Variants in KANK3 observed in about 807,000 individuals in gnomAD.
KANK3 encodes the protein KN motif and ankyrin repeat domain-containing protein 3.
In KANK3, 61 loss-of-function variants were observed where a neutral mutation model predicts 65.4. The observed-to-expected ratio is 0.93, with a 90% CI of 0.76 to 1.15. The LOEUF (loss-of-function observed/expected upper bound fraction) is 1.15, where lower values mean the gene tolerates loss of function less well. KANK3 is among the 50% of genes most tolerant of loss of function. The probability of loss-of-function intolerance (pLI) is 0.00; values close to 1 mark genes in which losing one functional copy is unlikely to be tolerated. For missense variants in KANK3, 1,187 were observed against 1,178.8 expected (o/e 1.01, Z -0.10); for synonymous variants, 586 against 543.3 (o/e 1.08, Z -1.09).
chr19:8,336,781 G>A (rs1213428422), intron 2 of KANK3, among the ~76,000 whole-genome samples: 3 of 150,536 alleles, frequency 2.0e-5, no homozygotes, highest in African/African-American at 7.3e-5. Context: ...AGCCCTGCAC[G>A]ATGAGGAGGA....
Position 8,333,265 on chromosome 19 carries a change from T to G in KANK3, c.1720-35A>C. ...ACAGGGGCCAAGATAACATCGGCGA[T>G]GGTCCACGGCGGCGCCGTGGTGGGG... is the stretch of plus-strand genomic sequence containing the variant. On this transcript the variant is annotated intron_variant, in intron 6 of 10. Coordinates refer to ENST00000330915, the MANE Select transcript of KANK3 (RefSeq NM_198471.3). This position sits in a 1 kb window ranked among gnomAD's most constrained non-coding sequence, Gnocchi z 5.0. The G allele has an allele frequency of 3.2e-6, 5 of 1,542,772 alleles. No individual in the cohort carries two copies. The highest frequency in any genetic ancestry group is 2.1e-4 in the Middle Eastern group (1 of 4,752).
chr19:8,334,911 C>T lies in KANK3; in HGVS notation c.916G>A (p.Glu306Lys), dbSNP rs117966760. The change falls in exon 3 of 11, where the codon GAG becomes AAG. Residue 306 changes from glutamate (E) to lysine (K), a missense_variant. Glu to Lys is a moderately conservative substitution (Grantham distance 56). Coordinates refer to ENST00000330915, the MANE Select transcript of KANK3 (RefSeq NM_198471.3). ...GTPQTREVAA[E>K]AVPETREAGA... ...GCTTCTCGGGTCTCGGGCACGGCCT[C>T]GGCGGCCACCTCCCGGGTCTGGGGC... 3.2e-3 allele frequency: 4,730 copies of T among 1,460,680 alleles called. 126 individuals carry two copies. In the East Asian group the frequency reaches 0.054, roughly 17 times the overall value. 90.5% of individuals were successfully genotyped at this position (1,460,680 alleles called of 1,614,324 possible).
Position 8,335,715 on chromosome 19 carries a change from T to C in KANK3, c.112A>G (p.Thr38Ala). 1.6e-6 allele frequency: 2 copies of C among 1,249,580 alleles called. No homozygotes were observed. Among genetic ancestry groups the C allele is most frequent in the South Asian group, 4.0e-5 (1 of 24,782 alleles). 77.4% of individuals were successfully genotyped at this position (1,249,580 alleles called of 1,614,324 possible). ...AGGTCCAGGTGGAAGCCGTAGGGCG[T>C]CTCCACCGAGTAGGGCGAGCTCGGG... ...RSPSSPYSVETPYGFHLDLDF... is the reference protein window; with the variant it reads ...RSPSSPYSVEAPYGFHLDLDF... Residue 38 changes from threonine (T) to alanine (A), a missense_variant, in exon 3 of 11, where the codon ACG becomes GCG. Coordinates refer to ENST00000330915, the MANE Select transcript of KANK3 (RefSeq NM_198471.3).
chr19:8,335,379 C>G lies in KANK3; in HGVS notation c.448G>C (p.Ala150Pro). 13 of 1,198,238 alleles carry G rather than the reference C, an allele frequency of 1.1e-5. No individual in the cohort carries two copies. Among genetic ancestry groups the G allele is most frequent in the Non-Finnish European group, 1.2e-5 (12 of 966,726 alleles). The allele number at this position is 1,198,238 out of a possible 1,614,324, so 74.2% of individuals were successfully genotyped here. A position where few individuals can be genotyped will look rare whatever the true frequency, so the allele number is the denominator to read the frequency against. The change falls in exon 3 of 11, where the codon GCG (alanine) becomes CCG (proline). Residue 150 changes from alanine to proline, a missense_variant. By Grantham distance (27) the Ala-to-Pro change is conservative. Transcript: ENST00000330915. Reference sequence around the variant, plus strand: ...GGGACCCCGCGGCCGGGGCTGGGCGCGCGCTCGTGTGTCTGCGCCAGCTCC... The same window carrying G: ...GGGACCCCGCGGCCGGGGCTGGGCGGGCGCTCGTGTGTCTGCGCCAGCTCC... ...RLELAQTHER[A>P]PSPGRGVPRS...
In KANK3 at chr19:8,324,999, C is replaced by A. The variant is rs1390037925; in HGVS notation, c.2034G>T (p.Val678=). Residue 678 remains valine (V), a synonymous_variant, in exon 8 of 11, where the codon GTG becomes GTT. Coordinates refer to ENST00000330915, the MANE Select transcript of KANK3 (RefSeq NM_198471.3). ...CACCCATGCAGAAGAGTCTCTGGAC[C>A]ACAGCCATGTCCTCCTCTTCCTGCC... The part of the protein sequence containing the change: ...SVRQEEEDMA[V]VQRLFCMGDV... 6.2e-7 allele frequency: 1 copy of A among 1,610,238 alleles called. No individual in the cohort carries two copies. The highest frequency in any genetic ancestry group is 1.7e-4 in the Middle Eastern group (1 of 6,042).
In KANK3 at chr19:8,334,953, C is replaced by G. The variant is rs768981042; in HGVS notation, c.874G>C (p.Gly292Arg). The G allele has an allele frequency of 2.0e-6, 3 of 1,492,318 alleles. No individual in the cohort carries two copies. Among genetic ancestry groups the G allele is most frequent in the African/African-American group, 2.9e-5 (2 of 68,644 alleles). 92.4% of individuals were successfully genotyped at this position (1,492,318 alleles called of 1,614,324 possible). A position where few individuals can be genotyped will look rare whatever the true frequency, so the allele number is the denominator to read the frequency against. ...GTCTGGGGCGTCCCATCGAGACTCCCGACCTCCCCGTCGAGGACCTGGAGC... is the reference window on the plus strand; with the variant it reads ...GTCTGGGGCGTCCCATCGAGACTCCGGACCTCCCCGTCGAGGACCTGGAGC... ...GALQVLDGEV[G>R]SLDGTPQTRE... Residue 292 changes from glycine to arginine, a missense_variant, in exon 3 of 11, where the codon GGG becomes CGG. Transcript: ENST00000330915.
rs1445924808 is a variant in KANK3 at position 8,335,029 on chromosome 19, G to A, written c.798C>T (p.Ser266=). The A allele has an allele frequency of 2.1e-6, 3 of 1,415,090 alleles. No individual in the cohort carries two copies. Among genetic ancestry groups the A allele is most frequent in the Non-Finnish European group, 2.7e-6 (3 of 1,093,650 alleles). 87.7% of individuals were successfully genotyped at this position (1,415,090 alleles called of 1,614,324 possible). A position where few individuals can be genotyped will look rare whatever the true frequency, so the allele number is the denominator to read the frequency against. ...TSERGGRARA[S]PRADSPDGLA... The stretch of plus-strand genomic sequence containing the variant: ...GGCCGTCTGGGCTGTCAGCCCGGGG[G>A]CTGGCCCTGGCACGGCCGCCGCGCT... Residue 266 remains serine, a synonymous_variant, in exon 3 of 11, where the codon AGC becomes AGT. Transcript: ENST00000330915.
At chr19:8,324,873 A>G (rs767361166) in intron 8 of KANK3, 43 bp from the exon 9 acceptor site, 4 of 1,601,514 alleles carry the variant, frequency 2.5e-6, no homozygotes, top group Non-Finnish European at 3.4e-6. Context: ...GGGTAGGCTC[A>G]GGGAAGGGAG....
At chr19:8,342,046 T>G (rs559467246) in intron 1 of KANK3, among the ~76,000 whole-genome samples, 61 of 152,254 alleles carry the variant, frequency 4.0e-4, no homozygotes, top group African/African-American at 1.4e-3. Context: ...CAGGCTGGAG[T>G]GCAGTGGCAG....
In KANK3 at chr19:8,333,154, C is replaced by A; in HGVS notation, c.1796G>T (p.Arg599Met). 1 of 1,613,080 alleles carries A rather than the reference C, an allele frequency of 6.2e-7. No individual in the cohort carries two copies. Residue 599 changes from arginine (R) to methionine (M), a missense_variant, in exon 7 of 11, where the codon AGG becomes ATG. This residue lies in a region of KANK3 where 1,078 missense variants were observed against 1,038.2 expected (regional missense o/e 1.04). Coordinates refer to ENST00000330915, the MANE Select transcript of KANK3 (RefSeq NM_198471.3). This position sits in a 1 kb window ranked among gnomAD's most constrained non-coding sequence, Gnocchi z 5.0. ...QRRSQAEPVA[R>M]MLEGVRRLGP... ...CAGGCGCCTCACCCCTTCCAGCATCCTGGCCACGGGCTCCGCCTGAGAGCG... is the reference window on the plus strand; with the variant it reads ...CAGGCGCCTCACCCCTTCCAGCATCATGGCCACGGGCTCCGCCTGAGAGCG...
At chr19:8,331,976 G>T (rs541950022) in intron 7 of KANK3, among the ~76,000 whole-genome samples, 8 of 139,402 alleles carry the variant, frequency 5.7e-5, no homozygotes, top group South Asian at 4.5e-4. Flanking sequence ...GGGCCAAAAG[G>T]CCTCTTTTTT....
At chr19:8,323,734 A>G (rs753183235) in intron 10 of KANK3, among the ~76,000 whole-genome samples, 1 of 152,188 alleles carries the variant, frequency 6.6e-6, no homozygotes, top group African/African-American at 2.4e-5. Flanking sequence ...CTCCATCTCA[A>G]AAATAAATAA....
At position 8,334,945 on chromosome 19, in the gene KANK3, G is replaced by C; in HGVS notation, c.882C>G (p.Leu294=). 6.7e-7 allele frequency: 1 copy of C among 1,489,518 alleles called. No homozygotes were observed. The highest frequency in any genetic ancestry group is 8.9e-7 in the Non-Finnish European group (1 of 1,129,596). The allele number at this position is 1,489,518 out of a possible 1,614,324, so 92.3% of individuals were successfully genotyped here. A position where few individuals can be genotyped will look rare whatever the true frequency, so the allele number is the denominator to read the frequency against. ...LQVLDGEVGS[L]DGTPQTREVA... ...CCTCCCGGGTCTGGGGCGTCCCATC[G>C]AGACTCCCGACCTCCCCGTCGAGGA... The change falls in exon 3 of 11, where the codon CTC becomes CTG. Residue 294 remains leucine (L), a synonymous_variant. Coordinates refer to ENST00000330915, the MANE Select transcript of KANK3 (RefSeq NM_198471.3).
Position 8,333,035 on chromosome 19 carries a change from C to T in KANK3, c.1915G>A (p.Ala639Thr), listed in dbSNP as rs374150598. 1.3e-5 allele frequency: 17 copies of T among 1,289,498 alleles called. No homozygotes were observed. Among genetic ancestry groups the T allele is most frequent in the African/African-American group, 1.3e-4 (8 of 62,380 alleles). The allele number at this position is 1,289,498 out of a possible 1,614,324, so 79.9% of individuals were successfully genotyped here. The change falls in exon 7 of 11, where the codon GCA becomes ACA. Residue 639 changes from alanine (A) to threonine (T), a missense_variant. Around this residue, in one of 3 missense-constraint regions of KANK3, gnomAD observed 1,078 missense variants for 1,038.2 expected, o/e 1.04. Transcript: ENST00000330915. The surrounding 1 kb of genome is among the most constrained non-coding windows in gnomAD (Gnocchi z 5.0). Reference sequence around the variant, plus strand: ...TGACCCGTATCCAGGAGCAGGCTTGCGATGGCCAGGTTCCCGTGGGACACA... The same window carrying T: ...TGACCCGTATCCAGGAGCAGGCTTGTGATGGCCAGGTTCCCGTGGGACACA... ...YSVSHGNLAI[A>T]SLLLDTGACE...
In KANK3 at chr19:8,337,338, G is replaced by A. The variant is rs574156827; in HGVS notation, c.34+457C>T. On this transcript the variant is annotated intron_variant, in intron 2 of 10. Transcript: ENST00000330915. ...CCTGCCTCAGCCTCCCGAGTAGCTG[G>A]GACTACAGGGGCACCACCATGCCCG... is the stretch of plus-strand genomic sequence containing the variant. Among the ~76,000 whole-genome samples, 4 of 151,846 alleles carry A rather than the reference G, an allele frequency of 2.6e-5. No homozygotes were observed. The East Asian group carries it at 7.8e-4, about 30-fold the overall frequency.
rs1286505583 is a variant in KANK3, at chr19:8,334,936, C to T, written c.891G>A (p.Thr297=). 4.7e-6 allele frequency: 7 copies of T among 1,482,920 alleles called. No individual in the cohort carries two copies. The highest frequency in any genetic ancestry group is 5.3e-6 in the Non-Finnish European group (6 of 1,126,540). 91.9% of individuals were successfully genotyped at this position (1,482,920 alleles called of 1,614,324 possible). Residue 297 remains threonine (T), a synonymous_variant, in exon 3 of 11, where the codon ACG becomes ACA. Coordinates refer to ENST00000330915, the MANE Select transcript of KANK3 (RefSeq NM_198471.3). Reference sequence around the variant, plus strand: ...CGGCGGCCACCTCCCGGGTCTGGGGCGTCCCATCGAGACTCCCGACCTCCC... The same window carrying T: ...CGGCGGCCACCTCCCGGGTCTGGGGTGTCCCATCGAGACTCCCGACCTCCC... ...LDGEVGSLDG[T]PQTREVAAEA...
intron 7 of KANK3, 27 bp downstream of exon 7, chr19:8,332,987 T>TGTGGC: frequency 2.5e-6 from 1 of 395,198 alleles, no homozygotes; most frequent in Non-Finnish European, 4.8e-6. Context: ...TTTCCTGGTG[T>TGTGGC]CCCACCCACC....
intron 2 of KANK3, among the ~76,000 whole-genome samples, chr19:8,336,722 A>C (rs557636411): frequency 7.2e-6 from 1 of 138,590 alleles, no homozygotes; most frequent in African/African-American, 2.8e-5. Flanking sequence ...ACTGGGTGAC[A>C]GAGTGAGACC....
At position 8,335,804 on chromosome 19, in the gene KANK3, A is replaced by T; in HGVS notation, c.35-12T>A. ...GGGGCCGCCCAGGTCTGGAGGCACG[A>T]CGGGGGCACGGGGAGGGCGCATCAG... On this transcript the variant is annotated splice_polypyrimidine_tract_variant and intron_variant, in intron 2 of 10. Transcript: ENST00000330915. The T allele has an allele frequency of 8.1e-7, 1 of 1,229,234 alleles. No individual in the cohort carries two copies. The allele number at this position is 1,229,234 out of a possible 1,614,324, so 76.1% of individuals were successfully genotyped here.
Sources: gnomAD v4.1 joint callset for allele counts (sites outside exome capture counted in the v4.1 genomes callset) on GRCh38, gnomAD v4.1.1 for gene constraint, gnomAD v4.1.1 regional missense constraint, Gnocchi (gnomAD v3.1) non-coding constraint, MANE v1.5 for transcripts, NCBI Gene and HGNC (gene_info 2026-07-23, HGNC 2026-07-21) for gene names.